The following SRGAP1 variants were observed in gnomAD, a reference collection of about 807,000 sequenced individuals.
SRGAP1 encodes the protein SLIT-ROBO Rho GTPase activating protein 1, also known as SLIT-ROBO Rho GTPase-activating protein 1.
A neutral mutation model predicts 121.9 loss-of-function variants in SRGAP1; 43 were observed. The observed-to-expected ratio is 0.35, with a 90% confidence interval of 0.28 to 0.46. SRGAP1 has a LOEUF of 0.46. Ranked by LOEUF, SRGAP1 falls within the 20% of genes least tolerant of loss-of-function variation. The pLI is 1.00. For synonymous variants in SRGAP1, 447 were observed against 485.4 expected, an observed-to-expected ratio of 0.92 and a Z score of 1.04; for missense variants, 1,102 against 1,350.9, an observed-to-expected ratio of 0.82 and a Z score of 2.89.
At chr12:63,896,812 C>T (rs1900769530) in intron 1 of SRGAP1, among the ~76,000 whole-genome samples, 1 of 152,172 alleles carries the variant, frequency 6.6e-6, no homozygotes. Context: ...CAGTGTCTTC[C>T]CAAGAATGCT....
chr12:64,006,034 A>G (rs890081582), intron 3 of SRGAP1, among the ~76,000 whole-genome samples: 5 of 152,200 alleles, frequency 3.3e-5, no homozygotes. Flanking sequence ...TAAAAATTAC[A>G]TTACAAATTG....
intron 3 of SRGAP1, among the ~76,000 whole-genome samples, chr12:64,010,406 G>A (rs1022402300): frequency 1.3e-5 from 2 of 152,074 alleles, no homozygotes; most frequent in African/African-American, 4.8e-5. Context: ...GGTTCTGGGG[G>A]TAAGACTGGA....
At chr12:64,054,479 CT>C (rs1202512380) in intron 6 of SRGAP1, among the ~76,000 whole-genome samples, 2 of 152,134 alleles carry the variant, frequency 1.3e-5, no homozygotes, top group Non-Finnish European at 2.9e-5. Context: ...CTTAGTTTGA[CT>C]TTTCCCCCAT....
chr12:63,874,366 G>A (rs1303602144), intron 1 of SRGAP1, among the ~76,000 whole-genome samples: 1 of 151,950 alleles, frequency 6.6e-6, no homozygotes, highest in Non-Finnish European at 1.5e-5. Flanking sequence ...ACCATGCCTG[G>A]CTAACTTTTT....
Position 63,877,654 on chromosome 12 carries a change from A to G in SRGAP1, c.67+32771A>G, listed in dbSNP as rs1900071014. On this transcript the variant is annotated intron_variant, in intron 1 of 21. Transcript: ENST00000355086. ...AAATATTAAATTATCATTTTATAAA[A>G]TTTGGGTATAAAACTTTATGTCTTG... Among the ~76,000 whole-genome samples the G allele has an allele frequency of 2.0e-5, 3 of 152,230 alleles. 1 individual carries two copies. The highest frequency in any genetic ancestry group is 2.0e-4 in the Admixed American group (3 of 15,274).
intron 1 of SRGAP1, among the ~76,000 whole-genome samples, chr12:63,870,731 A>T (rs1485279547): frequency 6.6e-6 from 1 of 151,556 alleles, no homozygotes; most frequent in Non-Finnish European, 1.5e-5. Flanking sequence ...GTAGAGATGG[A>T]GGTTTTGCCA....
chr12:64,097,095 A>AT, intron 14 of SRGAP1, 146 bp from the exon 15 acceptor site: 2 of 807,622 alleles, frequency 2.5e-6, no homozygotes, highest in Non-Finnish European at 3.5e-6. Flanking sequence ...TAAACCAATT[A>AT]TTTTAATTTT....
At chr12:63,951,038 G>A (rs971540104) in intron 1 of SRGAP1, among the ~76,000 whole-genome samples, 2 of 151,362 alleles carry the variant, frequency 1.3e-5, no homozygotes, top group Non-Finnish European at 2.9e-5. Context: ...CTAGAGAACG[G>A]GAAGGGATTC....
In SRGAP1 at chr12:64,062,989, G is replaced by A; in HGVS notation, c.874G>A (p.Glu292Lys). The change falls in exon 7 of 22, where the codon GAA (glutamate) becomes AAA (lysine). Residue 292 changes from glutamate (E) to lysine (K), a missense_variant. Glu to Lys is a moderately conservative substitution (Grantham distance 56). Around this residue, in one of 3 missense-constraint regions of SRGAP1, gnomAD observed 747 missense variants for 929.4 expected, o/e 0.80. Coordinates refer to ENST00000355086, the MANE Select transcript of SRGAP1 (RefSeq NM_020762.4). ...ATATCTGTCTGCGGAGTACAACCTT[G>A]AAACCTCCAGACATGAGGGCTTAGA... ...RTYLSAEYNL[E>K]TSRHEGLDII... The A allele has an allele frequency of 6.2e-7, 1 of 1,614,050 alleles. No homozygotes were observed. Among genetic ancestry groups the A allele is most frequent in the Non-Finnish European group, 8.5e-7 (1 of 1,179,984 alleles).
At chr12:64,107,145 T>A (rs2036357668) in intron 15 of SRGAP1, among the ~76,000 whole-genome samples, 1 of 152,180 alleles carries the variant, frequency 6.6e-6, no homozygotes, top group Non-Finnish European at 1.5e-5. Context: ...TCTTGGTTAA[T>A]CAAGAATATT....
intron 3 of SRGAP1, among the ~76,000 whole-genome samples, chr12:63,995,331 T>A (rs1027095230): frequency 1.3e-5 from 2 of 152,184 alleles, no homozygotes; most frequent in African/African-American, 4.8e-5. Flanking sequence ...TTAGCTCACA[T>A]ATCCTCACAG....
rs199896233 is a variant in SRGAP1, at chr12:64,127,826, T to C, written c.2541-35T>C. On this transcript the variant is annotated intron_variant, in intron 20 of 21. Coordinates refer to ENST00000355086, the MANE Select transcript of SRGAP1 (RefSeq NM_020762.4). ...TGCAGTACTGCCCGGTGTGATAAGC[T>C]CTTCTGTTTTCTCCCTGTTTCTGTG... The C allele has an allele frequency of 3.3e-5, 52 of 1,598,518 alleles. No individual in the cohort carries two copies. The Admixed American group carries it at 7.5e-4, about 23-fold the overall frequency.
Position 64,142,863 on chromosome 12 carries a change from T to A in SRGAP1, c.*191T>A, listed in dbSNP as rs989674051. On this transcript the variant is annotated 3_prime_UTR_variant, in exon 22 of 22. Coordinates refer to ENST00000355086, the MANE Select transcript of SRGAP1 (RefSeq NM_020762.4). ...GGGCATTTGTATTTTGTAATTTTTT[T>A]AAATAACTGGACATATGTCATTTTA... 1.2e-5 allele frequency: 9 copies of A among 740,026 alleles called. No homozygotes were observed. The highest frequency in any genetic ancestry group is 2.8e-5 in the East Asian group (1 of 36,016). 45.8% of individuals were successfully genotyped at this position (740,026 alleles called of 1,614,324 possible).
At chr12:64,027,425 G>A (rs1169469436) in intron 4 of SRGAP1, among the ~76,000 whole-genome samples, 1 of 152,038 alleles carries the variant, frequency 6.6e-6, no homozygotes, top group East Asian at 1.9e-4. Flanking sequence ...TGAGAAAATT[G>A]CAGAGAGGAA....
chr12:63,852,368 T>C (rs2136255280), intron 1 of SRGAP1, among the ~76,000 whole-genome samples: 1 of 152,350 alleles, frequency 6.6e-6, no homozygotes, highest in African/African-American at 2.4e-5. Flanking sequence ...ACGTAATCAC[T>C]AGTCTTTTTA....
chr12:64,043,067 A>G, intron 5 of SRGAP1, 95 bp downstream of exon 5: 1 of 871,946 alleles, frequency 1.1e-6, no homozygotes. Flanking sequence ...ATTGTAAGTT[A>G]TTGTGAAAAG....
intron 2 of SRGAP1, among the ~76,000 whole-genome samples, chr12:63,987,582 C>CA (rs1233628225): frequency 6.6e-6 from 1 of 152,010 alleles, no homozygotes; most frequent in Non-Finnish European, 1.5e-5. Context: ...ATTAGCCGGG[C>CA]ATGGTGGCAG....
chr12:63,916,026 TCTTTTC>T (rs2030755548), intron 1 of SRGAP1, among the ~76,000 whole-genome samples: 1 of 97,068 alleles, frequency 1.0e-5, no homozygotes, highest in African/African-American at 3.7e-5. Flanking sequence ...TCTTTTCTTT[TCTTTTC>T]TTTTTTTTTT....
In SRGAP1 at chr12:63,884,290, AAG is replaced by A. The variant is rs547955754; in HGVS notation, c.67+39408_67+39409del. The stretch of plus-strand genomic sequence containing the variant: ...ATGGAGTAAGACTCCGACTCAAAAA[AAG>A]GAAGTATGGAGAGCATTAGTCACTG... On this transcript the variant is annotated intron_variant, in intron 1 of 21. Transcript: ENST00000355086. Among the ~76,000 whole-genome samples, 26 of 152,230 alleles carry A rather than the reference AAG, an allele frequency of 1.7e-4. 1 individual carries two copies. Among genetic ancestry groups the A allele is most frequent in the South Asian group, 1.7e-3 (8 of 4,814 alleles).
Sources: allele counts gnomAD v4.1 joint callset (sites outside exome capture counted in the v4.1 genomes callset), GRCh38; gene constraint gnomAD v4.1.1; regional missense constraint gnomAD v4.1.1; transcripts MANE v1.5; gene names NCBI Gene and HGNC (gene_info 2026-07-23, HGNC 2026-07-21).